EIF3G: variants seen among roughly 807,000 people sequenced by gnomAD.
EIF3G encodes eukaryotic translation initiation factor 3 RNA-binding subunit.
Under a neutral mutation model 41.7 loss-of-function variants are expected in EIF3G, and 10 were observed. That is an observed-to-expected ratio of 0.24 (90% confidence interval 0.15 to 0.41). The LOEUF is 0.41. Ranked by LOEUF, EIF3G falls within the 10% of genes least tolerant of loss-of-function variation. The pLI is 1.00. For missense variants in EIF3G, 297 were observed against 444.0 expected (o/e 0.67, Z 2.98); for synonymous variants, 204 against 172.5 (o/e 1.18, Z -1.43).
intron 1 of EIF3G, 58 bp from the exon 2 acceptor site, chr19:10,119,758 G>C: frequency 6.2e-7 from 1 of 1,613,614 alleles, no homozygotes; most frequent in Non-Finnish European, 8.5e-7. Context: ...GGCTCCCGCA[G>C]CCTCGGCGTA....
Position 10,115,939 on chromosome 19 carries a change from A to G in EIF3G, c.703+28T>C, listed in dbSNP as rs201999477. ...ACGAGGTGCCGGGAGGTGCCCACCC[A>G]CCAGCCTGGCGTCGGGGTGCCCCTC... On this transcript the variant is annotated intron_variant, in intron 8 of 10. Transcript: ENST00000253108. The G allele has an allele frequency of 6.4e-5, 103 of 1,608,520 alleles. 1 individual carries two copies. In the African/African-American group the frequency reaches 1.1e-3, roughly 17 times the overall value.
In EIF3G at chr19:10,115,949, C is replaced by T. The variant is rs1451346654; in HGVS notation, c.703+18G>A. 10 of 1,385,540 alleles carry T rather than the reference C, an allele frequency of 7.2e-6. No individual in the cohort carries two copies. Among genetic ancestry groups the T allele is most frequent in the African/African-American group, 2.7e-5 (2 of 72,896 alleles). 85.8% of individuals were successfully genotyped at this position (1,385,540 alleles called of 1,614,324 possible). ...GGGAGGTGCCCACCCACCAGCCTGGCGTCGGGGTGCCCCTCACCTCTGCGG... is the reference window on the plus strand; with the variant it reads ...GGGAGGTGCCCACCCACCAGCCTGGTGTCGGGGTGCCCCTCACCTCTGCGG... On this transcript the variant is annotated intron_variant, in intron 8 of 10. Transcript: ENST00000253108.
Position 10,116,750 on chromosome 19 carries a change from A to C in EIF3G, c.595+50T>G, listed in dbSNP as rs1294526147. On this transcript the variant is annotated intron_variant, in intron 7 of 10. Coordinates refer to ENST00000253108, the MANE Select transcript of EIF3G (RefSeq NM_003755.5). This position sits in a 1 kb window ranked among gnomAD's most constrained non-coding sequence, Gnocchi z 4.1. ...CGGGAGATGACAGCACGAAGGCAGC[A>C]GTGGGGACAGAACCCGTGCACTGAC... 2 of 1,502,694 alleles carry C rather than the reference A, an allele frequency of 1.3e-6. No individual in the cohort carries two copies. The highest frequency in any genetic ancestry group is 2.1e-5 in the Admixed American group (1 of 48,288). The allele number at this position is 1,502,694 out of a possible 1,614,324, so 93.1% of individuals were successfully genotyped here. A position where few individuals can be genotyped will look rare whatever the true frequency, so the allele number is the denominator to read the frequency against.
chr19:10,118,584 A>ATT, intron 5 of EIF3G, 84 bp downstream of exon 5: 9 of 1,139,778 alleles, frequency 7.9e-6, no homozygotes, highest in Non-Finnish European at 1.0e-5. Flanking sequence ...AAAAAAAAAG[A>ATT]GTTAAGCCCC....
At chr19:10,118,089 T>C (rs1259775212) in intron 5 of EIF3G, 2 of 152,410 alleles carry the variant, frequency 1.3e-5, no homozygotes, top group Non-Finnish European at 2.9e-5. Flanking sequence ...TTATTCGATA[T>C]TTACAATCGA....
At chr19:10,115,430 T>G (rs1599324443) in intron 10 of EIF3G, 49 bp downstream of exon 10, 1 of 1,560,690 alleles carries the variant, frequency 6.4e-7, no homozygotes, top group East Asian at 2.3e-5. Flanking sequence ...TCCGTGAAGG[T>G]GCTGGGACAA....
At chr19:10,118,492 G>A in intron 5 of EIF3G, 176 bp downstream of exon 5, 1 of 657,938 alleles carries the variant, frequency 1.5e-6, no homozygotes, top group Non-Finnish European at 2.6e-6. Context: ...TTGAACCCAG[G>A]AGGCGGAGGT....
At position 10,119,112 on chromosome 19, in the gene EIF3G, G is replaced by A. The variant is rs747937250; in HGVS notation, c.127C>T (p.Pro43Ser). The A allele has an allele frequency of 5.0e-6, 8 of 1,602,362 alleles. No homozygotes were observed. Among genetic ancestry groups the A allele is most frequent in the Admixed American group, 1.7e-5 (1 of 58,122 alleles). ...CCTCCCGGCAGTAGCTCTGGCTCTG[G>A]GCTGGTGTCACCTGTGGCCAGAGGG... is the stretch of plus-strand genomic sequence containing the variant. The part of the protein sequence containing the change: ...GIPLATGDTS[P>S]EPELLPGAPL... The change falls in exon 3 of 11, where the codon CCA (proline) becomes TCA (serine). Residue 43 changes from proline (P) to serine (S), a missense_variant. Around this residue, in one of 4 missense-constraint regions of EIF3G, gnomAD observed 147 missense variants for 162.4 expected, o/e 0.91. Transcript: ENST00000253108.
chr19:10,119,502 G>C (rs1309803830), intron 2 of EIF3G, 152 bp downstream of exon 2: 14 of 988,462 alleles, frequency 1.4e-5, no homozygotes, highest in Non-Finnish European at 2.2e-5. Flanking sequence ...GGGAACACCT[G>C]GAGTTGGCAA....
Position 10,119,682 on chromosome 19 carries a change from G to C in EIF3G, c.39C>G (p.Ala13=). The C allele has an allele frequency of 6.3e-7, 1 of 1,591,854 alleles. No homozygotes were observed. Among genetic ancestry groups the C allele is most frequent in the South Asian group, 1.1e-5 (1 of 88,556 alleles). ...CCTCCCCCTCCTCCTCCACCTGGTC[G>C]GCCCAACTGGGCTTCGAACTGCGGA... ...TGDFDSKPSW[A]DQVEEEGEDD... is the part of the protein sequence containing the mutation. The change falls in exon 2 of 11, where the codon GCC becomes GCG. Residue 13 remains alanine, a synonymous_variant. Coordinates refer to ENST00000253108, the MANE Select transcript of EIF3G (RefSeq NM_003755.5).
At position 10,118,847 on chromosome 19, in the gene EIF3G, C is replaced by G. The variant is rs369348499; in HGVS notation, c.240+21G>C. ...GCCCCCAAGCACAAGGGTCCCCACT[C>G]CCTGCACCCCCCACCCTCACCTTGA... On this transcript the variant is annotated intron_variant, in intron 4 of 10. Transcript: ENST00000253108. The G allele has an allele frequency of 9.3e-5, 150 of 1,610,736 alleles. 1 individual carries two copies. The Middle Eastern group carries it at 3.1e-3, about 34-fold the overall frequency.
Position 10,115,833 on chromosome 19 carries a change from G to A in EIF3G, c.704-13C>T. 1 of 1,610,578 alleles carries A rather than the reference G, an allele frequency of 6.2e-7. No homozygotes were observed. The highest frequency in any genetic ancestry group is 8.5e-7 in the Non-Finnish European group (1 of 1,179,392). The stretch of plus-strand genomic sequence containing the variant: ...GCGTTGTCGTCGGCTGTGTGGGAGA[G>A]GGGAGGTGGCTGTGAGGGGGAGGAC... On this transcript the variant is annotated splice_polypyrimidine_tract_variant and intron_variant, in intron 8 of 10. Coordinates refer to ENST00000253108, the MANE Select transcript of EIF3G (RefSeq NM_003755.5).
chr19:10,115,224 C>T lies in EIF3G; in HGVS notation c.948-95G>A, dbSNP rs76502628. 1,355 of 1,499,176 alleles carry T rather than the reference C, an allele frequency of 9.0e-4. 11 individuals carry two copies. The African/African-American group carries it at 0.017, about 19-fold the overall frequency. 92.9% of individuals were successfully genotyped at this position (1,499,176 alleles called of 1,614,324 possible). On this transcript the variant is annotated intron_variant, in intron 10 of 10. Transcript: ENST00000253108. ...ATCTTGGGGGTGGGTGGGCAGAGGA[C>T]GGGGTAATGTGAGGACGAAGCGGGC...
chr19:10,115,216 G>A, intron 10 of EIF3G, 87 bp from the exon 11 acceptor site: 2 of 1,531,206 alleles, frequency 1.3e-6, no homozygotes, highest in Non-Finnish European at 1.8e-6. Context: ...GGGTGGGTGG[G>A]CAGAGGACGG....
At position 10,118,697 on chromosome 19, in the gene EIF3G, T is replaced by C. The variant is rs2145230258; in HGVS notation, c.271A>G (p.Lys91Glu). The C allele has an allele frequency of 1.2e-6, 2 of 1,613,974 alleles. No homozygotes were observed. Among genetic ancestry groups the C allele is most frequent in the Non-Finnish European group, 1.7e-6 (2 of 1,179,990 alleles). Residue 91 changes from lysine (K) to glutamate (E), a missense_variant, in exon 5 of 11, where the codon AAG becomes GAG. Transcript: ENST00000253108. ...IVRTFRIETR[K>E]ASKAVARRKN... ...CTCCTTGCGACAGCCTTTGAAGCCT[T>C]CCGGGTCTCAATCCTGAAGGTGCGG...
In EIF3G at chr19:10,115,493, G is replaced by A. The variant is rs769789123; in HGVS notation, c.933C>T (p.Asn311=). The change falls in exon 10 of 11, where the codon AAC becomes AAT. Residue 311 remains asparagine, a synonymous_variant. Coordinates refer to ENST00000253108, the MANE Select transcript of EIF3G (RefSeq NM_003755.5). ...TGGAGTCTTACTTGGCCCACTCGAC[G>A]TTGAGGATGAGGTGGTCGTAGCCAA... ...SGFGYDHLIL[N]VEWAKPSTN 8.0e-5 allele frequency: 129 copies of A among 1,611,912 alleles called. 1 individual carries two copies. In the East Asian group the frequency reaches 2.7e-3, roughly 34 times the overall value.
At chr19:10,119,564 T>C in intron 2 of EIF3G, 90 bp downstream of exon 2, 1 of 1,449,964 alleles carries the variant, frequency 6.9e-7, no homozygotes, top group East Asian at 2.4e-5. Flanking sequence ...CGTGACGGGG[T>C]ACACGGTGCC....
chr19:10,119,667 C>A lies in EIF3G; in HGVS notation c.54G>T (p.Glu18Asp). ...GTGTACACTTACCGTCCTCCCCCTC[C>A]TCCTCCACCTGGTCGGCCCAACTGG... The part of the protein sequence containing the change: ...SKPSWADQVE[E>D]EGEDDKCVTS... Residue 18 changes from glutamate (E) to aspartate (D), a missense_variant, in exon 2 of 11, where the codon GAG (glutamate) becomes GAT (aspartate). Coordinates refer to ENST00000253108, the MANE Select transcript of EIF3G (RefSeq NM_003755.5). 1.9e-6 allele frequency: 3 copies of A among 1,581,186 alleles called. No individual in the cohort carries two copies. Among genetic ancestry groups the A allele is most frequent in the Non-Finnish European group, 2.6e-6 (3 of 1,160,972 alleles).
In EIF3G at chr19:10,116,315, G is replaced by A; in HGVS notation, c.596-241C>T. 3.5e-6 allele frequency: 2 copies of A among 577,800 alleles called. No homozygotes were observed. Among genetic ancestry groups the A allele is most frequent in the Non-Finnish European group, 6.2e-6 (2 of 323,402 alleles). 35.8% of individuals were successfully genotyped at this position (577,800 alleles called of 1,614,324 possible). On this transcript the variant is annotated intron_variant, in intron 7 of 10. Coordinates refer to ENST00000253108, the MANE Select transcript of EIF3G (RefSeq NM_003755.5). The surrounding 1 kb of genome is among the most constrained non-coding windows in gnomAD (Gnocchi z 4.1). ...GAGCCCCGACCCCACCCCAGAGAGGGCGGGAGGACAACAGGGGCAGCAGCC... is the reference window on the plus strand; with the variant it reads ...GAGCCCCGACCCCACCCCAGAGAGGACGGGAGGACAACAGGGGCAGCAGCC...
Sources: gnomAD v4.1 joint callset for allele counts on GRCh38, gnomAD v4.1.1 for gene constraint, gnomAD v4.1.1 regional missense constraint, Gnocchi (gnomAD v3.1) non-coding constraint, MANE v1.5 for transcripts, NCBI Gene and HGNC (gene_info 2026-07-23, HGNC 2026-07-21) for gene names.